Variants in PRR5L observed in about 807,000 individuals in gnomAD.
The protein encoded by PRR5L is proline rich 5 like, also known as proline-rich protein 5-like.
In PRR5L, 21 loss-of-function variants were observed where a neutral mutation model predicts 36.4. The ratio of observed to expected loss-of-function variants is 0.58; its 90% CI spans 0.41 to 0.83. PRR5L has a LOEUF of 0.83. Among genes scored for constraint, PRR5L ranks in the 40% least tolerant of loss-of-function variants. The pLI is 0.00. For missense variants in PRR5L, 381 were observed against 473.3 expected, an observed-to-expected ratio of 0.80 and a Z score of 1.81; for synonymous variants, 188 against 197.0, an observed-to-expected ratio of 0.95 and a Z score of 0.38.
At chr11:36,398,377 AG>A (rs1289184544) in intron 1 of PRR5L, 2 of 152,368 alleles carry the variant, frequency 1.3e-5, no homozygotes, top group East Asian at 3.9e-4. Context: ...CTGCCGGGCC[AG>A]CGCTGTAGCA....
In PRR5L at chr11:36,366,913, TTCCCTTCTCC is replaced by T. The variant is rs528119943; in HGVS notation, c.-125-34073_-125-34064del. ...TCTCCCCTTCTTTGCCCTCCCTTCC[TTCCCTTCTCC>T]TCCCTTCTCCCACAGACAGGAATGA... On this transcript the variant is annotated intron_variant, in intron 1 of 8. Transcript: ENST00000530639. 1.4e-4 allele frequency among the ~76,000 whole-genome samples: 21 copies of T among 152,262 alleles called. No individual in the cohort carries two copies. The South Asian group carries it at 4.2e-3, about 30-fold the overall frequency.
chr11:36,408,921 T>C (rs1461263316), intron 3 of PRR5L, among the ~76,000 whole-genome samples: 2 of 152,202 alleles, frequency 1.3e-5, no homozygotes, highest in African/African-American at 4.8e-5. Context: ...CATTGATTCA[T>C]TGATTTATTT....
At chr11:36,450,636 T>G (rs1300579216) in intron 7 of PRR5L, among the ~76,000 whole-genome samples, 1 of 152,238 alleles carries the variant, frequency 6.6e-6, no homozygotes, top group African/African-American at 2.4e-5. Context: ...CTTTTCCATA[T>G]TCTTTCCTCT....
chr11:36,307,926 C>G (rs914829776), intron 1 of PRR5L, among the ~76,000 whole-genome samples: 3 of 152,154 alleles, frequency 2.0e-5, no homozygotes, highest in Non-Finnish European at 4.4e-5. Context: ...CTTGAAATCT[C>G]TTTCTTTTTT....
intron 4 of PRR5L, among the ~76,000 whole-genome samples, chr11:36,420,380 C>T (rs1408661904): frequency 6.6e-6 from 1 of 152,134 alleles, no homozygotes; most frequent in Non-Finnish European, 1.5e-5. Flanking sequence ...AGGCAGAGTG[C>T]TTGGGTTCAG....
chr11:36,442,144 T>C (rs952271321), intron 6 of PRR5L, among the ~76,000 whole-genome samples: 4 of 152,208 alleles, frequency 2.6e-5, no homozygotes. Context: ...GAAGTGATTG[T>C]TCCACAGCTC....
In PRR5L at chr11:36,403,233, AGCT is replaced by A. The variant is rs1338810946; in HGVS notation, c.165-61_165-59del. ...GTCACTCCACACACCTTCAGCCCTG[AGCT>A]GCTATTGAAATGGCCCAAGAAGGGA... On this transcript the variant is annotated intron_variant, in intron 2 of 8. Transcript: ENST00000530639. 7 of 1,406,970 alleles carry A rather than the reference AGCT, an allele frequency of 5.0e-6. No homozygotes were observed. The Admixed American group carries it at 1.0e-4, about 20-fold the overall frequency. The allele number at this position is 1,406,970 out of a possible 1,614,324, so 87.2% of individuals were successfully genotyped here.
intron 1 of PRR5L, among the ~76,000 whole-genome samples, chr11:36,374,834 T>G (rs960638): frequency 0.96 from 146,750 of 152,286 alleles, 70,965 homozygotes; most frequent in East Asian, 1. Context: ...ATAACCAGAG[T>G]ATGGGAAGAA....
In PRR5L at chr11:36,351,651, T is replaced by A. The variant is rs12796948; in HGVS notation, c.-125-49346T>A. On this transcript the variant is annotated intron_variant, in intron 1 of 8. Transcript: ENST00000530639. ...TTTATATAAATATATATTTATATAT[T>A]TATATAAATATATATTTATATACTT... 3.7e-3 allele frequency among the ~76,000 whole-genome samples: 42 copies of A among 11,262 alleles called. 2 individuals carry two copies. The highest frequency in any genetic ancestry group is 0.019 in the African/African-American group (38 of 1,956). 7.4% of individuals were successfully genotyped at this position (11,262 alleles called of 152,430 possible). A position where few individuals can be genotyped will look rare whatever the true frequency, so the allele number is the denominator to read the frequency against.
At chr11:36,356,282 G>T (rs1245078009) in intron 1 of PRR5L, among the ~76,000 whole-genome samples, 1 of 152,140 alleles carries the variant, frequency 6.6e-6, no homozygotes, top group Admixed American at 6.5e-5. Context: ...AGGGAAGCAT[G>T]ATCATTGACA....
At position 36,451,354 on chromosome 11, in the gene PRR5L, A is replaced by G; in HGVS notation, c.712+19A>G. 2 of 1,613,562 alleles carry G rather than the reference A, an allele frequency of 1.2e-6. No homozygotes were observed. The highest frequency in any genetic ancestry group is 1.1e-5 in the South Asian group (1 of 91,042). On this transcript the variant is annotated intron_variant, in intron 8 of 8. Transcript: ENST00000530639. ...ACGCTGGGTAAGGAGTGCAGCTCTC[A>G]AGTTGTCAAGAGGCCCAGTGATCAT...
At chr11:36,351,105 A>G (rs868840264) in intron 1 of PRR5L, among the ~76,000 whole-genome samples, 137 of 110,306 alleles carry the variant, frequency 1.2e-3, no homozygotes, top group East Asian at 7.0e-3. Flanking sequence ...ATATATAAAT[A>G]TATATTTATA....
intron 6 of PRR5L, among the ~76,000 whole-genome samples, chr11:36,440,231 C>T (rs1317394006): frequency 6.6e-6 from 1 of 151,708 alleles, no homozygotes; most frequent in Non-Finnish European, 1.5e-5. Flanking sequence ...ATAAAACCTC[C>T]CCCCCACCTA....
At chr11:36,391,899 A>G (rs1261502067) in intron 1 of PRR5L, among the ~76,000 whole-genome samples, 1 of 152,156 alleles carries the variant, frequency 6.6e-6, no homozygotes, top group Non-Finnish European at 1.5e-5. Flanking sequence ...GCTATCACGT[A>G]CAAGATCTTG....
intron 5 of PRR5L, among the ~76,000 whole-genome samples, chr11:36,434,898 C>T (rs1376043737): frequency 6.6e-6 from 1 of 152,070 alleles, no homozygotes; most frequent in Admixed American, 6.6e-5. Context: ...TCTCGGGAGG[C>T]GTCTTACTGC....
Position 36,335,198 on chromosome 11 carries a change from G to A in PRR5L, c.-126+38760G>A, listed in dbSNP as rs1856756940. 2.0e-5 allele frequency among the ~76,000 whole-genome samples: 3 copies of A among 152,156 alleles called. No homozygotes were observed. The South Asian group carries it at 6.2e-4, about 32-fold the overall frequency. ...ACCTCAGCCTTTCTCCCAAGTAGCT[G>A]AAACTACAGGTGCACGCCATTACGC... On this transcript the variant is annotated intron_variant, in intron 1 of 8. Transcript: ENST00000530639.
At chr11:36,335,699 A>G (rs1009744726) in intron 1 of PRR5L, among the ~76,000 whole-genome samples, 19 of 152,192 alleles carry the variant, frequency 1.2e-4, no homozygotes, top group Admixed American at 1.0e-3. Flanking sequence ...TGGTCTACTT[A>G]AGTGGGAGCT....
At position 36,337,945 on chromosome 11, in the gene PRR5L, C is replaced by T. The variant is rs566080835; in HGVS notation, c.-126+41507C>T. On this transcript the variant is annotated intron_variant, in intron 1 of 8. Coordinates refer to ENST00000530639, the MANE Select transcript of PRR5L (RefSeq NM_001160167.2). ...TCAGGGAGGTTGGTCCCTTTCTTTT[C>T]CTTTCATCATCTTTAACATTGTGCC... Among the ~76,000 whole-genome samples the T allele has an allele frequency of 1.1e-3, 175 of 152,320 alleles. 1 individual carries two copies. Among genetic ancestry groups the T allele is most frequent in the African/African-American group, 4.2e-3 (174 of 41,570 alleles).
intron 7 of PRR5L, among the ~76,000 whole-genome samples, chr11:36,450,973 G>A (rs1290320755): frequency 1.3e-5 from 2 of 152,228 alleles, no homozygotes; most frequent in African/African-American, 4.8e-5. Flanking sequence ...CTGCATTGGT[G>A]GCCCAGTGGG....
Sources: allele counts gnomAD v4.1 joint callset (sites outside exome capture counted in the v4.1 genomes callset), GRCh38; gene constraint gnomAD v4.1.1; transcripts MANE v1.5; gene names NCBI Gene and HGNC (gene_info 2026-07-23, HGNC 2026-07-21).